PRSS38: variants seen among roughly 807,000 people sequenced by gnomAD.
PRSS38 encodes serine protease 38, also known as marapsin 2.
A neutral mutation model predicts 26.8 loss-of-function variants in PRSS38; 22 were observed. The observed-to-expected ratio is 0.82, with a 90% confidence interval of 0.59 to 1.17. The LOEUF (loss-of-function observed/expected upper bound fraction) is 1.17. Ranked by LOEUF, PRSS38 falls within the 50% of genes most tolerant of loss-of-function variation. The probability of loss-of-function intolerance (pLI) is 0.00; values close to 1 mark genes in which losing one functional copy is unlikely to be tolerated. For missense variants in PRSS38, 427 were observed against 422.7 expected, an observed-to-expected ratio of 1.01 and a Z score of -0.09; for synonymous variants, 175 against 172.1, an observed-to-expected ratio of 1.02 and a Z score of -0.13.
At position 227,816,201 on chromosome 1, in the gene PRSS38, G is replaced by A. The variant is rs764249929; in HGVS notation, c.260G>A (p.Gly87Asp). Residue 87 changes from glycine to aspartate, a missense_variant, in exon 2 of 5, where the codon GGC (glycine) becomes GAC (aspartate). Transcript: ENST00000366757. This position sits in a 1 kb window ranked among gnomAD's most constrained non-coding sequence, Gnocchi z 5.1. ...TACGCAGGCCTCCACGTCTGCGGCG[G>A]CTCCATCCTCAATGAGTACTGGGTG... 28 of 1,613,592 alleles carry A rather than the reference G, an allele frequency of 1.7e-5. No homozygotes were observed. The African/African-American group carries it at 3.2e-4, about 18-fold the overall frequency.
chr1:227,845,650 T>A, intron 4 of PRSS38, 38 bp downstream of exon 4: 2 of 1,597,884 alleles, frequency 1.3e-6, no homozygotes, highest in Non-Finnish European at 1.7e-6. Context: ...AGGTCATGGG[T>A]GCCCTGTGCC....
intron 3 of PRSS38, among the ~76,000 whole-genome samples, chr1:227,825,687 G>GCA (rs1665064588): frequency 6.6e-6 from 1 of 152,150 alleles, no homozygotes; most frequent in Non-Finnish European, 1.5e-5. Context: ...TCAGATGATT[G>GCA]TAGGTGTGCA....
chr1:227,845,522 C>T (rs982105525), exon 4 of PRSS38: 6 of 1,613,406 alleles, frequency 3.7e-6, no homozygotes, highest in African/African-American at 1.3e-5. Context: ...TCCTGGAGCC[C>T]TGGTGCCACC....
At chr1:227,826,413 C>T (rs114663483) in intron 3 of PRSS38, among the ~76,000 whole-genome samples, 5,353 of 152,176 alleles carry the variant, frequency 0.035, 302 homozygotes, top group African/African-American at 0.12. Context: ...TCCAATATTA[C>T]GTTTAATAGA....
intron 3 of PRSS38, among the ~76,000 whole-genome samples, chr1:227,838,985 C>T (rs1665277362): frequency 1.3e-5 from 2 of 152,186 alleles, no homozygotes; most frequent in Admixed American, 1.3e-4. Context: ...ACGCCCGGCT[C>T]TACTGCTCCA....
Position 227,817,490 on chromosome 1 carries a change from C to T in PRSS38, c.583+10C>T. 1.9e-6 allele frequency: 3 copies of T among 1,611,744 alleles called. No homozygotes were observed. Among genetic ancestry groups the T allele is most frequent in the African/African-American group, 2.7e-5 (2 of 75,018 alleles). ...CTAGTCTCAAAACAAGGTAGGAATA[C>T]AGTGCAGGGCTTTGTGGGCAGGATG... On this transcript the variant is annotated intron_variant, in intron 3 of 4. Coordinates refer to ENST00000366757, the Ensembl canonical transcript of PRSS38.
At chr1:227,840,586 A>T (rs909682528) in intron 3 of PRSS38, among the ~76,000 whole-genome samples, 2 of 152,182 alleles carry the variant, frequency 1.3e-5, no homozygotes, top group Non-Finnish European at 2.9e-5. Context: ...CCACAACAGG[A>T]GAGTGGAGCA....
intron 3 of PRSS38, among the ~76,000 whole-genome samples, chr1:227,819,512 G>T (rs1291096872): frequency 6.6e-6 from 1 of 152,152 alleles, no homozygotes. Context: ...CTACAAAAAA[G>T]GCCATTGGAA....
At chr1:227,830,587 C>T (rs112843169) in intron 3 of PRSS38, among the ~76,000 whole-genome samples, 18 of 150,882 alleles carry the variant, frequency 1.2e-4, no homozygotes, top group South Asian at 6.3e-4. Flanking sequence ...CTACAACCTC[C>T]GCCTCTGGGT....
chr1:227,833,422 G>A (rs969062665), intron 3 of PRSS38, among the ~76,000 whole-genome samples: 7 of 152,104 alleles, frequency 4.6e-5, no homozygotes, highest in African/African-American at 1.7e-4. Context: ...AGCTACTTGG[G>A]AGGTTGAGGC....
At chr1:227,819,214 T>C (rs1159761337) in intron 3 of PRSS38, among the ~76,000 whole-genome samples, 2 of 152,200 alleles carry the variant, frequency 1.3e-5, no homozygotes, top group Non-Finnish European at 2.9e-5. Flanking sequence ...GGACTTTATA[T>C]GTTGGGTGCT....
In PRSS38 at chr1:227,816,170, G is replaced by A. The variant is rs80247201; in HGVS notation, c.229G>A (p.Val77Met). The change falls in exon 2 of 5, where the codon GTG (valine) becomes ATG (methionine). Residue 77 changes from valine (V) to methionine (M), a missense_variant. Val to Met is a conservative substitution (Grantham distance 21). Transcript: ENST00000366757. The surrounding 1 kb of genome is among the most constrained non-coding windows in gnomAD (Gnocchi z 5.1). ...GAGGAAGTGGCCGTGGCAGGTCAGCGTGCACTACGCAGGCCTCCACGTCTG... is the reference window on the plus strand; with the variant it reads ...GAGGAAGTGGCCGTGGCAGGTCAGCATGCACTACGCAGGCCTCCACGTCTG... 4.1e-3 allele frequency: 6,595 copies of A among 1,613,584 alleles called. 182 individuals are homozygous for A. The African/African-American group carries it at 0.063, about 16-fold the overall frequency.
intron 4 of PRSS38, 41 bp downstream of exon 4, chr1:227,845,653 C>T (rs1198414746): frequency 6.3e-7 from 1 of 1,595,394 alleles, no homozygotes; most frequent in African/African-American, 1.3e-5. Flanking sequence ...TCATGGGTGC[C>T]CTGTGCCTGT....
intron 3 of PRSS38, among the ~76,000 whole-genome samples, chr1:227,843,251 G>A (rs1037877000): frequency 3.9e-5 from 6 of 152,170 alleles, no homozygotes; most frequent in Non-Finnish European, 7.3e-5. Context: ...AAAACCAAAC[G>A]TAACTGAAAA....
exon 4 of PRSS38, chr1:227,845,484 G>C: frequency 6.2e-7 from 1 of 1,611,248 alleles, no homozygotes; most frequent in Non-Finnish European, 8.5e-7. Flanking sequence ...GACCTCAGAC[G>C]AGCTGCAGGA....
intron 3 of PRSS38, among the ~76,000 whole-genome samples, chr1:227,841,673 A>G (rs1665339778): frequency 6.6e-6 from 1 of 152,160 alleles, no homozygotes; most frequent in African/African-American, 2.4e-5. Context: ...TTTAACCACA[A>G]CCAGGAAAGG....
In PRSS38 at chr1:227,833,481, C is replaced by T. The variant is rs145245918; in HGVS notation, c.584-11989C>T. On this transcript the variant is annotated intron_variant, in intron 3 of 4. Coordinates refer to ENST00000366757, the Ensembl canonical transcript of PRSS38. ...GGCAGAGGTTGCAGTGAGCCAAGAT[C>T]GTGGCACTGCACTCTAGCCTGGGCA... is the stretch of plus-strand genomic sequence containing the variant. 9.5e-3 allele frequency among the ~76,000 whole-genome samples: 1,440 copies of T among 151,718 alleles called. 20 individuals carry two copies. Among genetic ancestry groups the T allele is most frequent in the African/African-American group, 0.033 (1,369 of 41,368 alleles).
At chr1:227,846,168 G>A in exon 5 of PRSS38, 1 of 1,612,926 alleles carries the variant, frequency 6.2e-7, no homozygotes, top group Non-Finnish European at 8.5e-7. Flanking sequence ...CCCACTCTCA[G>A]CGTCCTAATG....
exon 5 of PRSS38, chr1:227,846,328 C>G (rs1365890583): frequency 4.6e-6 from 6 of 1,296,352 alleles, no homozygotes; most frequent in African/African-American, 1.5e-5. Flanking sequence ...CCACCTATCC[C>G]GGGGGTGGAT....
Sources: gnomAD v4.1 joint callset for allele counts (sites outside exome capture counted in the v4.1 genomes callset) on GRCh38, gnomAD v4.1.1 for gene constraint, Gnocchi (gnomAD v3.1) non-coding constraint, MANE v1.5 for transcripts, NCBI Gene and HGNC (gene_info 2026-07-23, HGNC 2026-07-21) for gene names.